Variants in PDE3A observed in about 807,000 individuals in gnomAD.
PDE3A encodes the protein phosphodiesterase 3A.
Under a neutral mutation model 98.3 loss-of-function variants are expected in PDE3A, and 43 were observed. The ratio of observed to expected loss-of-function variants is 0.44; its 90% CI spans 0.34 to 0.56. The LOEUF (loss-of-function observed/expected upper bound fraction) is 0.56. Ranked by LOEUF, PDE3A falls within the 20% of genes least tolerant of loss-of-function variation. The pLI is 0.01. For missense variants in PDE3A, 1,427 were observed against 1,440.7 expected (o/e 0.99, Z 0.15); for synonymous variants, 663 against 567.9 (o/e 1.17, Z -2.38).
chr12:20,561,120 G>A (rs1048610734), intron 2 of PDE3A, among the ~76,000 whole-genome samples: 29 of 151,936 alleles, frequency 1.9e-4, no homozygotes, highest in African/African-American at 6.8e-4. Flanking sequence ...AATTAGCCAG[G>A]AGTGATGGCA....
At chr12:20,618,889 G>C (rs367884457) in intron 4 of PDE3A, among the ~76,000 whole-genome samples, 18 of 152,114 alleles carry the variant, frequency 1.2e-4, no homozygotes, top group African/African-American at 4.1e-4. Flanking sequence ...ACTTAGAATG[G>C]AGTCATTACG....
At chr12:20,557,797 T>TA (rs1288088558) in intron 2 of PDE3A, among the ~76,000 whole-genome samples, 4 of 152,120 alleles carry the variant, frequency 2.6e-5, no homozygotes, top group Non-Finnish European at 5.9e-5. Context: ...TAGGATCATC[T>TA]AAAAGAATTT....
intron 1 of PDE3A, among the ~76,000 whole-genome samples, chr12:20,458,222 TTCCTGAAAGTCC>T (rs1329814108): frequency 3.3e-5 from 5 of 152,136 alleles, no homozygotes; most frequent in African/African-American, 4.8e-5. Context: ...GTTAATATGT[TTCCTGAAAGTCC>T]TACTATTGAT....
At chr12:20,460,820 G>T (rs1405142780) in intron 1 of PDE3A, among the ~76,000 whole-genome samples, 5 of 152,138 alleles carry the variant, frequency 3.3e-5, no homozygotes, top group Non-Finnish European at 7.4e-5. Flanking sequence ...CCATGCCCCT[G>T]CTCCCCCCTT....
intron 1 of PDE3A, among the ~76,000 whole-genome samples, chr12:20,468,121 T>C (rs1945375749): frequency 6.6e-6 from 1 of 152,064 alleles, no homozygotes; most frequent in African/African-American, 2.4e-5. Flanking sequence ...AATAGCAACA[T>C]TGTTCTATTA....
At chr12:20,624,710 G>A (rs1944217648) in intron 5 of PDE3A, among the ~76,000 whole-genome samples, 1 of 152,186 alleles carries the variant, frequency 6.6e-6, no homozygotes, top group Non-Finnish European at 1.5e-5. Flanking sequence ...AATTCCTAAA[G>A]TTCAGCCAAA....
chr12:20,416,426 ATG>A (rs1484371420), intron 1 of PDE3A, among the ~76,000 whole-genome samples: 3 of 152,120 alleles, frequency 2.0e-5, no homozygotes, highest in Non-Finnish European at 2.9e-5. Context: ...ATGTGTGTGT[ATG>A]TGTGTGTGTC....
intron 1 of PDE3A, among the ~76,000 whole-genome samples, chr12:20,377,584 A>G (rs982584255): frequency 9.9e-5 from 15 of 151,812 alleles, no homozygotes; most frequent in Admixed American, 7.2e-4. Context: ...CTCTTCAGTT[A>G]TAATGAAAAG....
At chr12:20,671,064 C>T (rs1284658792) in intron 15 of PDE3A, among the ~76,000 whole-genome samples, 2 of 124,452 alleles carry the variant, frequency 1.6e-5, no homozygotes, top group African/African-American at 6.8e-5. Context: ...GAGAATACTA[C>T]AAACACCTCT....
chr12:20,608,039 T>TA (rs1476280822), intron 2 of PDE3A, among the ~76,000 whole-genome samples: 1 of 151,964 alleles, frequency 6.6e-6, no homozygotes, highest in African/African-American at 2.4e-5. Context: ...GTACATGATT[T>TA]AAAAAACACT....
chr12:20,667,030 T>C (rs1945332381), intron 15 of PDE3A, among the ~76,000 whole-genome samples: 1 of 152,206 alleles, frequency 6.6e-6, no homozygotes, highest in African/African-American at 2.4e-5. Context: ...TGATTAGTGA[T>C]ATTGAGCATT....
chr12:20,609,458 G>A (rs1323210663), intron 2 of PDE3A, among the ~76,000 whole-genome samples: 1 of 151,940 alleles, frequency 6.6e-6, no homozygotes, highest in Admixed American at 6.6e-5. Context: ...CAGAAGTATT[G>A]TTAAAATATT....
intron 1 of PDE3A, among the ~76,000 whole-genome samples, chr12:20,438,222 A>G (rs1042263960): frequency 2.0e-5 from 3 of 152,172 alleles, no homozygotes; most frequent in Admixed American, 2.0e-4. Flanking sequence ...CTAAGTATCC[A>G]CAGGTGTTCA....
chr12:20,557,807 T>C (rs1056677022), intron 2 of PDE3A, among the ~76,000 whole-genome samples: 1 of 152,146 alleles, frequency 6.6e-6, no homozygotes, highest in African/African-American at 2.4e-5. Flanking sequence ...TAAAAGAATT[T>C]ATGCCTTACT....
intron 1 of PDE3A, among the ~76,000 whole-genome samples, chr12:20,437,483 A>T (rs1314651431): frequency 2.6e-5 from 4 of 152,172 alleles, no homozygotes; most frequent in Middle Eastern, 3.2e-3. Flanking sequence ...GGTTCTGCAG[A>T]CTGGGCAAGC....
intron 1 of PDE3A, among the ~76,000 whole-genome samples, chr12:20,468,362 G>T (rs921978096): frequency 6.6e-6 from 1 of 152,142 alleles, no homozygotes; most frequent in Admixed American, 6.5e-5. Flanking sequence ...CTGTGATCTT[G>T]AGCAAGTTAT....
chr12:20,648,661 G>A, intron 12 of PDE3A, 27 bp from the exon 13 acceptor site: 9 of 1,424,378 alleles, frequency 6.3e-6, no homozygotes, highest in Non-Finnish European at 8.9e-6. Flanking sequence ...TTAAAAAGTT[G>A]AACTCTTAAC....
intron 1 of PDE3A, among the ~76,000 whole-genome samples, chr12:20,519,465 TAGTG>T (rs1946382821): frequency 6.6e-6 from 1 of 152,198 alleles, no homozygotes; most frequent in Admixed American, 6.5e-5. Context: ...TAATAAAGGA[TAGTG>T]AATAAAAAAT....
At chr12:20,380,678 T>G (rs908406761) in intron 1 of PDE3A, among the ~76,000 whole-genome samples, 6 of 151,800 alleles carry the variant, frequency 4.0e-5, no homozygotes, top group African/African-American at 1.2e-4. Context: ...AGTTTCTTTT[T>G]ATCTGTACAT....
Sources: allele counts gnomAD v4.1 joint callset (sites outside exome capture counted in the v4.1 genomes callset), GRCh38; gene constraint gnomAD v4.1.1; transcripts MANE v1.5; gene names NCBI Gene and HGNC (gene_info 2026-07-23, HGNC 2026-07-21).